GNAQ: variants seen among roughly 807,000 people sequenced by gnomAD.
GNAQ encodes guanine nucleotide-binding protein G(q) subunit alpha.
A neutral mutation model predicts 43.9 loss-of-function variants in GNAQ; 8 were observed. The observed-to-expected ratio is 0.18, with a 90% confidence interval of 0.11 to 0.33. The LOEUF is 0.33. Among genes scored for constraint, GNAQ ranks in the 10% least tolerant of loss-of-function variants. The pLI is 1.00. For missense variants in GNAQ, 158 were observed against 450.8 expected (o/e 0.35, Z 5.88); for synonymous variants, 155 against 170.7 (o/e 0.91, Z 0.71).
chr9:77,852,930 C>G (rs1249048602), intron 2 of GNAQ, among the ~76,000 whole-genome samples: 2 of 152,150 alleles, frequency 1.3e-5, no homozygotes, highest in Non-Finnish European at 2.9e-5. Flanking sequence ...AATATACACC[C>G]AGGCTGTCAG....
At chr9:77,972,396 T>C (rs1587439031) in intron 1 of GNAQ, among the ~76,000 whole-genome samples, 1 of 151,280 alleles carries the variant, frequency 6.6e-6, no homozygotes, top group East Asian at 2.0e-4. Context: ...AATTAAAATA[T>C]AAGTTTCTCA....
chr9:77,934,171 A>G (rs1264293475), intron 1 of GNAQ, among the ~76,000 whole-genome samples: 7 of 150,698 alleles, frequency 4.6e-5, no homozygotes. Context: ...CGCCCACAGG[A>G]GACAACGATC....
chr9:77,909,242 C>G (rs4745676), intron 2 of GNAQ, among the ~76,000 whole-genome samples: 87,213 of 152,044 alleles, frequency 0.57, 27,049 homozygotes, highest in South Asian at 0.7. Context: ...ATTTTAATCC[C>G]CAACTTTAGT....
At chr9:77,841,282 G>A (rs1827486237) in intron 2 of GNAQ, among the ~76,000 whole-genome samples, 1 of 152,194 alleles carries the variant, frequency 6.6e-6, no homozygotes. Flanking sequence ...GAGGCTTGCA[G>A]TAAAAATAGA....
intron 2 of GNAQ, among the ~76,000 whole-genome samples, chr9:77,868,320 A>C (rs1827980571): frequency 6.6e-6 from 1 of 152,214 alleles, no homozygotes; most frequent in South Asian, 2.1e-4. Flanking sequence ...TTTTCAAGCA[A>C]AAGGCCAACC....
intron 1 of GNAQ, among the ~76,000 whole-genome samples, chr9:78,014,733 A>G (rs1213065292): frequency 6.6e-6 from 1 of 152,238 alleles, no homozygotes; most frequent in Admixed American, 6.5e-5. Flanking sequence ...TCAAGATATA[A>G]TAGCATTAAC....
intron 3 of GNAQ, among the ~76,000 whole-genome samples, chr9:77,800,574 G>T (rs142642328): frequency 3.3e-5 from 5 of 152,104 alleles, no homozygotes; most frequent in South Asian, 2.1e-4. Flanking sequence ...GGACTGCTGT[G>T]GGGGGAGGGA....
chr9:77,901,620 G>C (rs1341695747), intron 2 of GNAQ, among the ~76,000 whole-genome samples: 1 of 152,072 alleles, frequency 6.6e-6, no homozygotes, highest in Non-Finnish European at 1.5e-5. Context: ...ACATACCTTG[G>C]GGGCAGAGAA....
At chr9:78,010,042 A>G (rs1823755349) in intron 1 of GNAQ, among the ~76,000 whole-genome samples, 1 of 152,232 alleles carries the variant, frequency 6.6e-6, no homozygotes, top group Non-Finnish European at 1.5e-5. Context: ...AAAAAGACAA[A>G]GATTTCTAGA....
At chr9:77,740,137 G>A (rs1825631220) in intron 5 of GNAQ, among the ~76,000 whole-genome samples, 1 of 152,236 alleles carries the variant, frequency 6.6e-6, no homozygotes, top group African/African-American at 2.4e-5. Context: ...GGTCAGTCTG[G>A]CCCAGAAACA....
chr9:78,031,616 G>A lies in GNAQ; in HGVS notation c.-381C>T, dbSNP rs1054885874. On this transcript the variant is annotated 5_prime_UTR_variant, in exon 1 of 7. Transcript: ENST00000286548. ...CGCCGCCGCCGCCGCCGCCTGCGAG[G>A]CTCCCCTACGCCGTGCGCCTGGCGG... 4.8e-4 allele frequency among the ~76,000 whole-genome samples: 70 copies of A among 147,340 alleles called. No homozygotes were observed. Among genetic ancestry groups the A allele is most frequent in the Admixed American group, 2.2e-3 (32 of 14,876 alleles).
chr9:77,885,825 A>C (rs1447099126), intron 2 of GNAQ, among the ~76,000 whole-genome samples: 1 of 152,176 alleles, frequency 6.6e-6, no homozygotes, highest in Non-Finnish European at 1.5e-5. Context: ...TGTTATTATC[A>C]ACATGAAAAT....
rs1825761700 is a variant in GNAQ, at chr9:77,748,338, G to A, written c.736-19671C>T. 2.0e-5 allele frequency among the ~76,000 whole-genome samples: 3 copies of A among 152,132 alleles called. 1 individual carries two copies. Among genetic ancestry groups the A allele is most frequent in the African/African-American group, 7.2e-5 (3 of 41,412 alleles). ...AATGAAAGTAGAGTAAATGACTGAG[G>A]TTTTCCTAAAATTACCCTGGAAAGA... On this transcript the variant is annotated intron_variant, in intron 5 of 6. Transcript: ENST00000286548.
intron 5 of GNAQ, among the ~76,000 whole-genome samples, chr9:77,733,023 T>A (rs1397285425): frequency 3.3e-5 from 5 of 152,278 alleles, no homozygotes; most frequent in South Asian, 2.1e-4. Flanking sequence ...CATGGAAATG[T>A]CAGACTCGCC....
chr9:77,993,709 G>GA (rs941096786), intron 1 of GNAQ, among the ~76,000 whole-genome samples: 5 of 141,640 alleles, frequency 3.5e-5, no homozygotes, highest in Non-Finnish European at 3.1e-5. Context: ...CTCAGGGGAA[G>GA]AAAAAAAAAA....
At chr9:77,969,369 A>G (rs1823208452) in intron 1 of GNAQ, among the ~76,000 whole-genome samples, 1 of 152,188 alleles carries the variant, frequency 6.6e-6, no homozygotes, top group African/African-American at 2.4e-5. Context: ...TGCAATCATC[A>G]AAGTTTCCAA....
intron 2 of GNAQ, among the ~76,000 whole-genome samples, chr9:77,828,059 CAAAAAAAAAAAAAAAAAAAAA>C (rs71360654): frequency 2.6e-4 from 5 of 19,224 alleles, no homozygotes; most frequent in African/African-American, 4.4e-4. Flanking sequence ...GACTCCTCCT[CAAAAAAAAAAAAAAAAAAAAA>C]AAAAAAAAAA....
At chr9:77,797,773 G>A (rs1826680476) in intron 3 of GNAQ, 125 bp from the exon 4 acceptor site, 1 of 773,344 alleles carries the variant, frequency 1.3e-6, no homozygotes, top group African/African-American at 1.8e-5. Context: ...ATATCAGAAA[G>A]TGGTAGAGGA....
chr9:77,808,278 T>C (rs537798269), intron 3 of GNAQ, among the ~76,000 whole-genome samples: 17 of 151,792 alleles, frequency 1.1e-4, no homozygotes, highest in Non-Finnish European at 2.2e-4. Flanking sequence ...CTTTTTATCT[T>C]TAAGAGCTTT....
Sources: allele counts gnomAD v4.1 joint callset (sites outside exome capture counted in the v4.1 genomes callset), GRCh38; gene constraint gnomAD v4.1.1; transcripts MANE v1.5; gene names NCBI Gene and HGNC (gene_info 2026-07-23, HGNC 2026-07-21).